The following C12orf54 variants were observed in gnomAD, a reference collection of about 807,000 sequenced individuals.
C12orf54 encodes the protein uncharacterized protein C12orf54.
In C12orf54, 24 loss-of-function variants were observed where a neutral mutation model predicts 26.4. The observed-to-expected ratio is 0.91, with a 90% CI of 0.66 to 1.28. The LOEUF (loss-of-function observed/expected upper bound fraction) is 1.28. C12orf54 is among the 50% of genes most tolerant of loss of function. C12orf54 has a pLI of 0.00. For missense variants in C12orf54, 154 were observed against 150.9 expected, an observed-to-expected ratio of 1.02 and a Z score of -0.11; for synonymous variants, 54 against 47.0, an observed-to-expected ratio of 1.15 and a Z score of -0.61.
the C12orf54 span, among the ~76,000 whole-genome samples, chr12:48,433,100 A>G: frequency 6.6e-6 from 1 of 152,204 alleles, no homozygotes; most frequent in Non-Finnish European, 1.5e-5. Context: ...GGAACAAAAA[A>G]TAGATGGTAT....
chr12:48,426,761 G>A, the C12orf54 span, among the ~76,000 whole-genome samples: 3 of 152,210 alleles, frequency 2.0e-5, no homozygotes, highest in Admixed American at 6.5e-5. Context: ...ATTTCTTTGA[G>A]CAGTGTTTTG....
the C12orf54 span, chr12:48,472,592 G>T: frequency 1.9e-6 from 3 of 1,570,074 alleles, no homozygotes; most frequent in South Asian, 1.2e-5. Flanking sequence ...GCTTTCAAAT[G>T]TGCGGTTGTG....
At chr12:48,425,455 G>C in the C12orf54 span, among the ~76,000 whole-genome samples, 1 of 151,948 alleles carries the variant, frequency 6.6e-6, no homozygotes, top group South Asian at 2.1e-4. Flanking sequence ...AATGTACCAC[G>C]TTTTCTTTAT....
the C12orf54 span, among the ~76,000 whole-genome samples, chr12:48,462,947 A>G: frequency 6.6e-6 from 1 of 151,870 alleles, no homozygotes; most frequent in African/African-American, 2.4e-5. Flanking sequence ...GAAAGGAAAA[A>G]TTAAAACTGT....
At chr12:48,456,162 G>A in the C12orf54 span, among the ~76,000 whole-genome samples, 1 of 152,156 alleles carries the variant, frequency 6.6e-6, no homozygotes, top group African/African-American at 2.4e-5. Flanking sequence ...AAGCAGCTCA[G>A]CCAACAACAA....
the C12orf54 span, among the ~76,000 whole-genome samples, chr12:48,448,768 A>G: frequency 3.9e-5 from 6 of 152,322 alleles, no homozygotes; most frequent in East Asian, 9.6e-4. Context: ...GTTGATGAAG[A>G]GTCTAACTCT....
the C12orf54 span, among the ~76,000 whole-genome samples, chr12:48,462,933 A>T: frequency 6.6e-6 from 1 of 151,866 alleles, no homozygotes; most frequent in African/African-American, 2.4e-5. Context: ...AGCCTTCCAG[A>T]CTGGAAAGGA....
chr12:48,463,230 G>A, the C12orf54 span, among the ~76,000 whole-genome samples: 1 of 151,824 alleles, frequency 6.6e-6, no homozygotes, highest in Non-Finnish European at 1.5e-5. Context: ...GCTTAAAGAA[G>A]CTAAGGGGGA....
intron 6 of C12orf54, among the ~76,000 whole-genome samples, chr12:48,492,700 A>ACTCAGTTCCCAGCCCTGGATGAACAGAC (rs1228449324): frequency 5.3e-5 from 8 of 152,128 alleles, no homozygotes; most frequent in African/African-American, 1.9e-4. Context: ...CATTTCTCTA[A>ACTCAGTTCCCAGCCCTGGATGAACAGAC]CTCAGTTCCC....
At chr12:48,414,070 C>T in the C12orf54 span, among the ~76,000 whole-genome samples, 1 of 152,226 alleles carries the variant, frequency 6.6e-6, no homozygotes. Flanking sequence ...CAAACAATTA[C>T]AGATTGATAA....
At position 48,493,077 on chromosome 12, in the gene C12orf54, T is replaced by G. The variant is rs949255516; in HGVS notation, c.242+82T>G. 37 of 1,305,086 alleles carry G rather than the reference T, an allele frequency of 2.8e-5. No individual in the cohort carries two copies. In the African/African-American group the frequency reaches 4.5e-4, roughly 16 times the overall value. 80.8% of individuals were successfully genotyped at this position (1,305,086 alleles called of 1,614,324 possible). The stretch of plus-strand genomic sequence containing the variant: ...TGTGCTGGCCATGAATATAGCTAGC[T>G]CTGAGCCTTGAGCCTTCAGAAGCCT... On this transcript the variant is annotated intron_variant, in intron 7 of 8. Coordinates refer to ENST00000548364, the MANE Select transcript of C12orf54 (RefSeq NM_152319.4).
chr12:48,450,327 C>T, the C12orf54 span, among the ~76,000 whole-genome samples: 13 of 152,110 alleles, frequency 8.5e-5, no homozygotes, highest in Non-Finnish European at 1.9e-4. Context: ...TGGGATGCAG[C>T]TAAAGCAGTG....
intron 6 of C12orf54, among the ~76,000 whole-genome samples, chr12:48,492,016 T>G (rs539194186): frequency 1.3e-5 from 2 of 152,198 alleles, no homozygotes; most frequent in East Asian, 1.9e-4. Flanking sequence ...AGAGAGAGCT[T>G]CCAAAGTCAG....
At chr12:48,476,946 C>A in the C12orf54 span, among the ~76,000 whole-genome samples, 17 of 152,168 alleles carry the variant, frequency 1.1e-4, no homozygotes, top group African/African-American at 3.9e-4. Flanking sequence ...AATATACATT[C>A]TTTTCAGCAC....
chr12:48,473,601 T>C, the C12orf54 span: 6 of 276,984 alleles, frequency 2.2e-5, no homozygotes, highest in Non-Finnish European at 7.0e-6. Context: ...TGGAATAAAA[T>C]ACTATTTTTA....
upstream of C12orf54, among the ~76,000 whole-genome samples, chr12:48,479,805 G>A (rs1013608368): frequency 2.0e-5 from 3 of 151,844 alleles, no homozygotes; most frequent in Non-Finnish European, 2.9e-5. Context: ...TTTTTCTCCT[G>A]CCCCTCAGAC....
At chr12:48,430,120 G>A in the C12orf54 span, among the ~76,000 whole-genome samples, 1 of 152,052 alleles carries the variant, frequency 6.6e-6, no homozygotes, top group South Asian at 2.1e-4. Flanking sequence ...CATGAAACTG[G>A]ATCCTCATCT....
the C12orf54 span, chr12:48,472,742 C>T: frequency 1.9e-6 from 3 of 1,614,154 alleles, no homozygotes; most frequent in Admixed American, 1.7e-5. Flanking sequence ...TCCTGGACAA[C>T]AGTCAGTCAA....
the C12orf54 span, among the ~76,000 whole-genome samples, chr12:48,476,148 C>T: frequency 6.6e-6 from 1 of 152,100 alleles, no homozygotes; most frequent in South Asian, 2.1e-4. Context: ...CCAAACTAAG[C>T]TTCATAAGTG....
Sources: gnomAD v4.1 joint callset for allele counts (sites outside exome capture counted in the v4.1 genomes callset) on GRCh38, gnomAD v4.1.1 for gene constraint, MANE v1.5 for transcripts, NCBI Gene and HGNC (gene_info 2026-07-23, HGNC 2026-07-21) for gene names.